Variants in ATP8A1 observed in about 807,000 individuals in gnomAD.
ATP8A1 encodes the protein ATPase phospholipid transporting 8A1, also known as phospholipid-transporting ATPase IA.
A neutral mutation model predicts 177.7 loss-of-function variants in ATP8A1; 90 were observed. That is an observed-to-expected ratio of 0.51 (90% confidence interval 0.43 to 0.60). The LOEUF (loss-of-function observed/expected upper bound fraction) is 0.60, where lower values mean the gene tolerates loss of function less well. Ranked by LOEUF, ATP8A1 falls within the 20% of genes least tolerant of loss-of-function variation. The probability of loss-of-function intolerance (pLI) is 0.00; values close to 1 mark genes in which losing one functional copy is unlikely to be tolerated. For missense variants in ATP8A1, 1,072 were observed against 1,392.8 expected, an observed-to-expected ratio of 0.77 and a Z score of 3.67; for synonymous variants, 493 against 485.9, an observed-to-expected ratio of 1.01 and a Z score of -0.19.
chr4:42,640,403 T>C (rs1739854967), intron 1 of ATP8A1, among the ~76,000 whole-genome samples: 1 of 152,238 alleles, frequency 6.6e-6, no homozygotes, highest in Non-Finnish European at 1.5e-5. Context: ...TGAATAATAA[T>C]GCTATTGGCC....
chr4:42,490,408 T>C (rs1722624933), intron 24 of ATP8A1, among the ~76,000 whole-genome samples: 1 of 152,224 alleles, frequency 6.6e-6, no homozygotes, highest in Non-Finnish European at 1.5e-5. Flanking sequence ...GTCTAGTCTT[T>C]TATCCATGTC....
chr4:42,420,177 T>A (rs1713727864), intron 35 of ATP8A1, among the ~76,000 whole-genome samples: 2 of 152,354 alleles, frequency 1.3e-5, no homozygotes, highest in South Asian at 4.1e-4. Context: ...GTTGCTATTT[T>A]TCTCCTTTCA....
At chr4:42,553,887 G>A (rs1038402860) in intron 16 of ATP8A1, among the ~76,000 whole-genome samples, 5 of 152,142 alleles carry the variant, frequency 3.3e-5, no homozygotes, top group African/African-American at 9.7e-5. Context: ...TAATATTTGA[G>A]CTGATGAAGT....
intron 20 of ATP8A1, among the ~76,000 whole-genome samples, chr4:42,532,736 T>C (rs1283454406): frequency 6.6e-6 from 1 of 152,202 alleles, no homozygotes; most frequent in African/African-American, 2.4e-5. Context: ...AGCTAAGCCA[T>C]CATATCCCCT....
At chr4:42,419,550 G>A (rs1242133740) in intron 35 of ATP8A1, among the ~76,000 whole-genome samples, 2 of 152,186 alleles carry the variant, frequency 1.3e-5, no homozygotes, top group East Asian at 3.8e-4. Context: ...GGGAATTGGA[G>A]TGCCTAGTCT....
intron 3 of ATP8A1, among the ~76,000 whole-genome samples, chr4:42,624,967 T>C (rs1737893521): frequency 6.6e-6 from 1 of 151,056 alleles, no homozygotes; most frequent in Non-Finnish European, 1.5e-5. Flanking sequence ...CATTGTTATA[T>C]GAATACAGCA....
At chr4:42,413,153 A>G in intron 36 of ATP8A1, 140 bp from the exon 37 acceptor site, 1 of 651,816 alleles carries the variant, frequency 1.5e-6, no homozygotes, top group South Asian at 1.9e-5. Flanking sequence ...CTGATTTTTA[A>G]TGCCTAGAAA....
chr4:42,642,488 C>G (rs1412976208), intron 1 of ATP8A1, among the ~76,000 whole-genome samples: 1 of 152,156 alleles, frequency 6.6e-6, no homozygotes. Context: ...AAGAAGACGA[C>G]AGAAACCTCC....
chr4:42,501,749 G>A (rs1723875004), intron 24 of ATP8A1, among the ~76,000 whole-genome samples: 2 of 152,138 alleles, frequency 1.3e-5, no homozygotes, highest in South Asian at 2.1e-4. Context: ...AAGGAGCTAC[G>A]CGAAGTGATG....
chr4:42,446,921 TCAAA>T (rs925668870), intron 30 of ATP8A1, among the ~76,000 whole-genome samples: 2 of 151,998 alleles, frequency 1.3e-5, no homozygotes, highest in African/African-American at 2.4e-5. Flanking sequence ...AACAAATTGT[TCAAA>T]CAAAGCAGGA....
chr4:42,460,620 C>T (rs757885006), intron 27 of ATP8A1, among the ~76,000 whole-genome samples: 6 of 152,186 alleles, frequency 3.9e-5, no homozygotes. Context: ...AACTCCCGAC[C>T]TTGTGATCTG....
In ATP8A1 at chr4:42,581,606, A is replaced by G. The variant is rs1369329210; in HGVS notation, c.834+15T>C. 1.9e-6 allele frequency: 3 copies of G among 1,591,568 alleles called. No homozygotes were observed. The highest frequency in any genetic ancestry group is 1.7e-4 in the Middle Eastern group (1 of 6,020). ...AAGCCTTAGGTCCAAAAGGTTTCAT[A>G]GAGAAAAATTTCACCTGCATCAGCT... is the stretch of plus-strand genomic sequence containing the variant. On this transcript the variant is annotated intron_variant, in intron 10 of 36. Coordinates refer to ENST00000381668, the MANE Select transcript of ATP8A1 (RefSeq NM_006095.2).
chr4:42,628,423 C>A (rs141908277), intron 1 of ATP8A1, among the ~76,000 whole-genome samples: 1 of 152,046 alleles, frequency 6.6e-6, no homozygotes. Context: ...AGAAGGCGGA[C>A]GAGAAACCAC....
chr4:42,605,613 C>G (rs999922206), intron 5 of ATP8A1, among the ~76,000 whole-genome samples: 9 of 152,186 alleles, frequency 5.9e-5, no homozygotes, highest in Admixed American at 3.9e-4. Context: ...CGTCCTCCTT[C>G]AAATCTGCTT....
intron 9 of ATP8A1, among the ~76,000 whole-genome samples, chr4:42,582,174 G>C (rs571643005): frequency 6.6e-6 from 1 of 152,264 alleles, no homozygotes; most frequent in East Asian, 1.9e-4. Context: ...CCTTTTGCCA[G>C]CCAGGAAGAT....
intron 9 of ATP8A1, among the ~76,000 whole-genome samples, chr4:42,585,700 A>G (rs1733546450): frequency 6.6e-6 from 1 of 152,026 alleles, no homozygotes; most frequent in Non-Finnish European, 1.5e-5. Flanking sequence ...AGGAATATTT[A>G]TCTGCTTTGT....
chr4:42,635,969 C>T (rs138280489), intron 1 of ATP8A1, among the ~76,000 whole-genome samples: 152 of 151,514 alleles, frequency 1.0e-3, no homozygotes, highest in Admixed American at 2.2e-3. Flanking sequence ...TCAGCCTTTT[C>T]ATCTCTCCAG....
chr4:42,485,733 T>C (rs1722130421), intron 24 of ATP8A1, 65 bp from the exon 25 acceptor site: 1 of 1,363,168 alleles, frequency 7.3e-7, no homozygotes, highest in African/African-American at 1.5e-5. Flanking sequence ...TAGGATGCCT[T>C]AAGGATATTT....
chr4:42,422,123 G>A (rs563031321), intron 35 of ATP8A1, among the ~76,000 whole-genome samples: 2 of 152,000 alleles, frequency 1.3e-5, no homozygotes, highest in Admixed American at 6.5e-5. Context: ...GGAGTCTCGC[G>A]CTCTGTTGCC....
Sources: allele counts gnomAD v4.1 joint callset (sites outside exome capture counted in the v4.1 genomes callset), GRCh38; gene constraint gnomAD v4.1.1; transcripts MANE v1.5; gene names NCBI Gene and HGNC (gene_info 2026-07-23, HGNC 2026-07-21).